HS3ST4: variants seen among roughly 807,000 people sequenced by gnomAD.
The protein encoded by HS3ST4 is heparan sulfate glucosamine 3-O-sulfotransferase 4.
In HS3ST4, 17 loss-of-function variants were observed where a neutral mutation model predicts 29.2. The ratio of observed to expected loss-of-function variants is 0.58; its 90% CI spans 0.40 to 0.87. HS3ST4 has a LOEUF of 0.87. Among genes scored for constraint, HS3ST4 ranks in the 40% least tolerant of loss-of-function variants. HS3ST4 has a pLI of 0.00. For synonymous variants in HS3ST4, 314 were observed against 285.7 expected, an observed-to-expected ratio of 1.10 and a Z score of -1.00; for missense variants, 627 against 634.5, an observed-to-expected ratio of 0.99 and a Z score of 0.13.
intron 1 of HS3ST4, among the ~76,000 whole-genome samples, chr16:25,721,543 C>T (rs1966496127): frequency 6.6e-6 from 1 of 152,156 alleles, no homozygotes; most frequent in African/African-American, 2.4e-5. Flanking sequence ...TTGGCAGGAA[C>T]ATGTTTGCCT....
chr16:25,914,990 C>T (rs974368005), intron 1 of HS3ST4, among the ~76,000 whole-genome samples: 2 of 152,016 alleles, frequency 1.3e-5, no homozygotes, highest in Non-Finnish European at 2.9e-5. Flanking sequence ...ACCAGGAAAT[C>T]TTAGTTATGC....
chr16:25,855,763 G>A (rs575431498), intron 1 of HS3ST4, among the ~76,000 whole-genome samples: 20 of 152,214 alleles, frequency 1.3e-4, no homozygotes, highest in Admixed American at 5.2e-4. Flanking sequence ...ATGTTTAGTC[G>A]TTTGTGGGGG....
chr16:25,919,442 G>C (rs1297838952), intron 1 of HS3ST4, among the ~76,000 whole-genome samples: 1 of 152,220 alleles, frequency 6.6e-6, no homozygotes, highest in African/African-American at 2.4e-5. Context: ...TGAAATGCCT[G>C]TTAGATACTC....
At chr16:25,972,161 G>C (rs1968904588) in intron 1 of HS3ST4, among the ~76,000 whole-genome samples, 1 of 152,178 alleles carries the variant, frequency 6.6e-6, no homozygotes, top group Non-Finnish European at 1.5e-5. Flanking sequence ...GGTGGTTGTA[G>C]TAGCTATTAT....
Position 25,741,365 on chromosome 16 carries a change from T to TAAAAAAAA in HS3ST4, c.734+48232_734+48239dup, listed in dbSNP as rs66788248. On this transcript the variant is annotated intron_variant, in intron 1 of 1. Coordinates refer to ENST00000331351, the MANE Select transcript of HS3ST4 (RefSeq NM_006040.3). Reference sequence around the variant, plus strand: ...TTAAAGGATGAGTTTGAATTCAAGGTAAAAAAAAAAAAAAAAAAAAAAAAA... The same window carrying TAAAAAAAA: ...TTAAAGGATGAGTTTGAATTCAAGGTAAAAAAAAAAAAAAAAAAAAAAAAAAAAAAAAA... Among the ~76,000 whole-genome samples, 20 of 66,190 alleles carry TAAAAAAAA rather than the reference T, an allele frequency of 3.0e-4. 3 individuals carry two copies. The highest frequency in any genetic ancestry group is 8.6e-4 in the African/African-American group (14 of 16,338). 43.4% of individuals were successfully genotyped at this position (66,190 alleles called of 152,430 possible). A position where few individuals can be genotyped will look rare whatever the true frequency, so the allele number is the denominator to read the frequency against.
intron 1 of HS3ST4, among the ~76,000 whole-genome samples, chr16:26,109,286 C>T (rs1229733614): frequency 6.6e-6 from 1 of 152,178 alleles, no homozygotes; most frequent in Non-Finnish European, 1.5e-5. Context: ...GGCCCCGTTT[C>T]CTGCAGCAAC....
chr16:25,791,206 G>T (rs907424939), intron 1 of HS3ST4, among the ~76,000 whole-genome samples: 2 of 151,962 alleles, frequency 1.3e-5, no homozygotes, highest in Non-Finnish European at 2.9e-5. Flanking sequence ...TTATATGTTT[G>T]TGGGGCTATA....
At chr16:25,781,173 T>G (rs930293681) in intron 1 of HS3ST4, among the ~76,000 whole-genome samples, 1 of 152,122 alleles carries the variant, frequency 6.6e-6, no homozygotes, top group Admixed American at 6.5e-5. Flanking sequence ...TGAAGCTGGG[T>G]CAAGAAGGAG....
chr16:25,933,538 G>A (rs146712908), intron 1 of HS3ST4, among the ~76,000 whole-genome samples: 2 of 152,268 alleles, frequency 1.3e-5, no homozygotes, highest in Non-Finnish European at 2.9e-5. Context: ...TCTGGCAGTT[G>A]TCACATTTTA....
intron 1 of HS3ST4, among the ~76,000 whole-genome samples, chr16:25,729,641 CCTT>C (rs1966558150): frequency 6.6e-6 from 1 of 152,146 alleles, no homozygotes; most frequent in Non-Finnish European, 1.5e-5. Flanking sequence ...ATTTCCTTTC[CCTT>C]CTTGTTGTCA....
At chr16:25,988,841 C>T (rs1306723995) in intron 1 of HS3ST4, among the ~76,000 whole-genome samples, 3 of 151,120 alleles carry the variant, frequency 2.0e-5, no homozygotes, top group Non-Finnish European at 4.4e-5. Flanking sequence ...CAAACCTGCA[C>T]ATGTACCCCT....
chr16:26,051,900 C>CCTTCCTT (rs1898351805), intron 1 of HS3ST4, among the ~76,000 whole-genome samples: 1 of 128,810 alleles, frequency 7.8e-6, no homozygotes, highest in African/African-American at 3.0e-5. Context: ...CTCCCTCCCT[C>CCTTCCTT]CCTCCCTCCC....
chr16:25,810,560 C>T (rs1567244805), intron 1 of HS3ST4, among the ~76,000 whole-genome samples: 1 of 152,088 alleles, frequency 6.6e-6, no homozygotes, highest in Non-Finnish European at 1.5e-5. Flanking sequence ...GTGTTGACGC[C>T]CCCAGTTTCT....
chr16:26,029,467 C>A (rs562592912), intron 1 of HS3ST4, among the ~76,000 whole-genome samples: 1 of 151,962 alleles, frequency 6.6e-6, no homozygotes, highest in African/African-American at 2.4e-5. Context: ...GGCTGGAGTG[C>A]AATGGCACAA....
chr16:25,948,000 C>A (rs1968646429), intron 1 of HS3ST4, among the ~76,000 whole-genome samples: 1 of 152,112 alleles, frequency 6.6e-6, no homozygotes. Context: ...AATATAAGTG[C>A]TTAATAAATA....
intron 1 of HS3ST4, among the ~76,000 whole-genome samples, chr16:26,123,091 C>A (rs1412920100): frequency 6.6e-6 from 1 of 151,470 alleles, no homozygotes; most frequent in Non-Finnish European, 1.5e-5. Flanking sequence ...CAGGGCTCTT[C>A]TCCTTTGTCT....
chr16:25,948,843 C>T (rs1191176823), intron 1 of HS3ST4, among the ~76,000 whole-genome samples: 1 of 152,144 alleles, frequency 6.6e-6, no homozygotes, highest in Non-Finnish European at 1.5e-5. Flanking sequence ...TGGCACTGTG[C>T]AGCAATGCCG....
At chr16:25,781,480 C>G (rs1966852539) in intron 1 of HS3ST4, among the ~76,000 whole-genome samples, 2 of 152,164 alleles carry the variant, frequency 1.3e-5, no homozygotes, top group Admixed American at 6.6e-5. Context: ...CGATTCTCTT[C>G]AAAAGCATCC....
chr16:25,989,678 G>A (rs548951438), intron 1 of HS3ST4, among the ~76,000 whole-genome samples: 1 of 152,130 alleles, frequency 6.6e-6, no homozygotes, highest in Non-Finnish European at 1.5e-5. Flanking sequence ...CTGCTCAGGG[G>A]TTCTTCAGGT....
Sources: gnomAD v4.1 joint callset for allele counts (sites outside exome capture counted in the v4.1 genomes callset) on GRCh38, gnomAD v4.1.1 for gene constraint, MANE v1.5 for transcripts, NCBI Gene and HGNC (gene_info 2026-07-23, HGNC 2026-07-21) for gene names.